CSMD1: variants seen among roughly 807,000 people sequenced by gnomAD.
CSMD1 encodes the protein CUB and Sushi multiple domains 1.
Under a neutral mutation model 417.5 loss-of-function variants are expected in CSMD1, and 213 were observed. That is an observed-to-expected ratio of 0.51 (90% CI 0.46 to 0.57). The LOEUF is 0.57. CSMD1 is among the 20% of genes least tolerant of loss of function. The pLI, the probability that CSMD1 is intolerant of heterozygous loss-of-function variation, is 0.00. For missense variants in CSMD1, 6,923 were observed against 4,529.7 expected (o/e 1.53, Z -15.17); for synonymous variants, 2,862 against 1,736.8 (o/e 1.65, Z -16.11).
At chr8:4,531,492 T>C (rs370690091) in intron 2 of CSMD1, among the ~76,000 whole-genome samples, 1 of 152,088 alleles carries the variant, frequency 6.6e-6, no homozygotes, top group Non-Finnish European at 1.5e-5. Flanking sequence ...ATCCCTATAA[T>C]AAGTATAACG....
intron 1 of CSMD1, among the ~76,000 whole-genome samples, chr8:4,898,484 A>C (rs774479192): frequency 2.8e-4 from 42 of 152,290 alleles, no homozygotes; most frequent in Admixed American, 7.2e-4. Context: ...CAAAATCCAA[A>C]TGCTTGCCTG....
intron 7 of CSMD1, among the ~76,000 whole-genome samples, chr8:3,680,173 A>G (rs1236170940): frequency 1.3e-5 from 2 of 152,168 alleles, no homozygotes; most frequent in Non-Finnish European, 2.9e-5. Flanking sequence ...GAAGGCAAGA[A>G]ACAACTCAGA....
At chr8:4,827,966 T>C (rs1195697382) in intron 1 of CSMD1, among the ~76,000 whole-genome samples, 1 of 152,208 alleles carries the variant, frequency 6.6e-6, no homozygotes, top group African/African-American at 2.4e-5. Flanking sequence ...GACTAAAACT[T>C]AGAATTTTAA....
At chr8:4,146,737 G>C (rs113727273) in intron 3 of CSMD1, among the ~76,000 whole-genome samples, 2 of 148,442 alleles carry the variant, frequency 1.3e-5, no homozygotes, top group Non-Finnish European at 3.0e-5. Flanking sequence ...TCAGCCTCCA[G>C]AGGAGCTGGG....
chr8:3,262,904 A>G (rs918680558), intron 26 of CSMD1, among the ~76,000 whole-genome samples: 2 of 152,344 alleles, frequency 1.3e-5, no homozygotes, highest in East Asian at 1.9e-4. Flanking sequence ...TGTGAACTTC[A>G]TTGCAAGAGA....
chr8:3,032,495 A>C (rs779060182), intron 50 of CSMD1, among the ~76,000 whole-genome samples: 1 of 152,078 alleles, frequency 6.6e-6, no homozygotes, highest in Non-Finnish European at 1.5e-5. Flanking sequence ...AATGTCCTTT[A>C]TCTTGGTCCA....
chr8:3,394,160 T>C (rs1470367504), intron 17 of CSMD1, among the ~76,000 whole-genome samples: 1 of 145,458 alleles, frequency 6.9e-6, no homozygotes, highest in East Asian at 2.0e-4. Context: ...ACAGGATAAA[T>C]GAAAAGAATA....
At chr8:3,658,305 G>A (rs1033526694) in intron 7 of CSMD1, among the ~76,000 whole-genome samples, 1 of 151,790 alleles carries the variant, frequency 6.6e-6, no homozygotes, top group Non-Finnish European at 1.5e-5. Flanking sequence ...ATAAACAATG[G>A]ATTTAGCATA....
intron 10 of CSMD1, among the ~76,000 whole-genome samples, chr8:3,517,695 C>T (rs1051036262): frequency 1.3e-5 from 2 of 152,082 alleles, no homozygotes; most frequent in East Asian, 1.9e-4. Flanking sequence ...TAGACACAAA[C>T]GAATTCAGTC....
chr8:3,301,135 T>C (rs1053060262), intron 25 of CSMD1, among the ~76,000 whole-genome samples: 1 of 152,168 alleles, frequency 6.6e-6, no homozygotes, highest in African/African-American at 2.4e-5. Flanking sequence ...ATTGTTTTTT[T>C]TTAATTTTTT....
intron 1 of CSMD1, among the ~76,000 whole-genome samples, chr8:4,967,832 G>GT (rs1809978724): frequency 1.3e-5 from 2 of 152,174 alleles, no homozygotes; most frequent in South Asian, 4.1e-4. Flanking sequence ...AAAGGAAGTT[G>GT]TAACAGTTGA....
At chr8:3,119,283 T>C (rs991584561) in intron 41 of CSMD1, among the ~76,000 whole-genome samples, 1 of 149,562 alleles carries the variant, frequency 6.7e-6, no homozygotes, top group African/African-American at 2.4e-5. Flanking sequence ...ATAGGAAATA[T>C]ACTACCAGTC....
At chr8:4,479,626 TG>T (rs1382862095) in intron 2 of CSMD1, among the ~76,000 whole-genome samples, 1 of 152,120 alleles carries the variant, frequency 6.6e-6, no homozygotes, top group Non-Finnish European at 1.5e-5. Flanking sequence ...CTGGGTGCAG[TG>T]GCTCACGCCT....
At chr8:3,637,500 A>G (rs1235294413) in intron 7 of CSMD1, among the ~76,000 whole-genome samples, 1 of 152,208 alleles carries the variant, frequency 6.6e-6, no homozygotes, top group African/African-American at 2.4e-5. Flanking sequence ...CTTTGACTAT[A>G]ATAAAATATA....
intron 1 of CSMD1, among the ~76,000 whole-genome samples, chr8:4,869,514 T>A (rs1802610903): frequency 6.6e-6 from 1 of 152,072 alleles, no homozygotes; most frequent in African/African-American, 2.4e-5. Flanking sequence ...GTAGTTGATA[T>A]CTAGGATAGT....
At chr8:3,571,630 G>C (rs1188714342) in intron 10 of CSMD1, among the ~76,000 whole-genome samples, 1 of 151,998 alleles carries the variant, frequency 6.6e-6, no homozygotes, top group Non-Finnish European at 1.5e-5. Context: ...GGGGTGTGAG[G>C]TCCAAGGGAA....
intron 3 of CSMD1, among the ~76,000 whole-genome samples, chr8:4,156,719 T>C (rs1297182358): frequency 6.6e-6 from 1 of 152,148 alleles, no homozygotes; most frequent in African/African-American, 2.4e-5. Context: ...TATGTGCAGT[T>C]TGCAGTGGGG....
intron 3 of CSMD1, among the ~76,000 whole-genome samples, chr8:4,204,894 C>G (rs528645618): frequency 1.5e-4 from 23 of 152,110 alleles, no homozygotes; most frequent in Non-Finnish European, 3.1e-4. Flanking sequence ...CTCCTGTCCT[C>G]AAAGATCCTC....
intron 6 of CSMD1, among the ~76,000 whole-genome samples, chr8:3,715,517 C>T (rs1313253480): frequency 1.3e-5 from 2 of 152,060 alleles, no homozygotes; most frequent in South Asian, 2.1e-4. Context: ...TCTTTACAAA[C>T]TAAGACAAAG....
Sources: allele counts gnomAD v4.1 joint callset (sites outside exome capture counted in the v4.1 genomes callset), GRCh38; gene constraint gnomAD v4.1.1; transcripts MANE v1.5; gene names NCBI Gene and HGNC (gene_info 2026-07-23, HGNC 2026-07-21).